The following BRWD1 variants were observed in gnomAD, a reference collection of about 807,000 sequenced individuals.
The protein encoded by BRWD1 is bromodomain and WD repeat-containing protein 1.
In BRWD1, 82 loss-of-function variants were observed where a neutral mutation model predicts 251.2. That is an observed-to-expected ratio of 0.33 (90% CI 0.27 to 0.39). The LOEUF is 0.39. Among genes scored for constraint, BRWD1 ranks in the 10% least tolerant of loss-of-function variants. The pLI is 1.00. For missense variants in BRWD1, 2,233 were observed against 2,711.6 expected (o/e 0.82, Z 3.92); for synonymous variants, 918 against 902.8 (o/e 1.02, Z -0.30).
chr21:39,253,256 C>G (rs1053871145), intron 19 of BRWD1, among the ~76,000 whole-genome samples: 8 of 138,622 alleles, frequency 5.8e-5, no homozygotes, highest in African/African-American at 1.9e-4. Context: ...CCACTGCACT[C>G]CAGCCTGGGT....
At chr21:39,313,930 A>G, upstream of BRWD1, 1 of 335,058 alleles carries the variant, frequency 3.0e-6, no homozygotes, top group Non-Finnish European at 5.8e-6. Flanking sequence ...CGGGTGGCCC[A>G]GCAGCGGGCG....
intron 23 of BRWD1, 99 bp from the exon 24 acceptor site, chr21:39,232,597 A>G (rs2033659018): frequency 2.2e-6 from 3 of 1,385,888 alleles, no homozygotes; most frequent in Non-Finnish European, 2.9e-6. Context: ...CAGAATGACT[A>G]TTTTTGCCAT....
chr21:39,317,688 C>T (rs2036712152), upstream of BRWD1, among the ~76,000 whole-genome samples: 1 of 152,226 alleles, frequency 6.6e-6, no homozygotes, highest in Non-Finnish European at 1.5e-5. Context: ...TGGAAGCCCA[C>T]GTGATAAGTA....
rs1405600806 is a variant in BRWD1 at position 39,200,337 on chromosome 21, G to A, written c.4635C>T (p.Ser1545=). 4.3e-6 allele frequency: 7 copies of A among 1,613,732 alleles called. No individual in the cohort carries two copies. The highest frequency in any genetic ancestry group is 5.9e-6 in the Non-Finnish European group (7 of 1,179,922). Residue 1545 remains serine (S), a synonymous_variant, in exon 39 of 41, where the codon TCC becomes TCT. Transcript: ENST00000342449. ...SLATSLSSSA[S]SSSEESKESS... Reference sequence around the variant, plus strand: ...TCTCTTTGCTTTCCTCAGAACTACTGGAAGCTGACGATGACAAAGAGGTAG... The same window carrying A: ...TCTCTTTGCTTTCCTCAGAACTACTAGAAGCTGACGATGACAAAGAGGTAG...
rs370555408 is a variant in BRWD1 at position 39,187,087 on chromosome 21, T to C, written c.*9172A>G. ...TAAAAAAAGCATTTTTCTATTAATA[T>C]CTTCTAGCTCTTTTTCACTTTCAGA... On this transcript the variant is annotated 3_prime_UTR_variant, in exon 41 of 41. Transcript: ENST00000342449. 13 of 1,596,366 alleles carry C rather than the reference T, an allele frequency of 8.1e-6. No individual in the cohort carries two copies. Among genetic ancestry groups the C allele is most frequent in the African/African-American group, 4.1e-5 (3 of 73,454 alleles).
At chr21:39,305,173 G>A (rs2036247171) in intron 4 of BRWD1, among the ~76,000 whole-genome samples, 1 of 151,946 alleles carries the variant, frequency 6.6e-6, no homozygotes, top group African/African-American at 2.4e-5. Flanking sequence ...TGATCAGGCT[G>A]GTCTTGAACT....
At chr21:39,264,214 G>A (rs1391407259) in intron 17 of BRWD1, among the ~76,000 whole-genome samples, 2 of 152,070 alleles carry the variant, frequency 1.3e-5, no homozygotes, top group Non-Finnish European at 2.9e-5. Flanking sequence ...TTATCTGAGT[G>A]TAAAACGTCC....
intron 4 of BRWD1, among the ~76,000 whole-genome samples, chr21:39,301,374 A>G (rs970592355): frequency 2.6e-5 from 4 of 152,124 alleles, no homozygotes; most frequent in African/African-American, 9.7e-5. Flanking sequence ...CTAAGACTCT[A>G]CTGCCTCGTC....
In BRWD1 at chr21:39,187,635, G is replaced by A. The variant is rs77444825; in HGVS notation, c.*8624C>T. ...TATAAGGATGTCACTTAAAACAGTA[G>A]CAGACTTGTAAGAATGGGGTGAAAA... On this transcript the variant is annotated 3_prime_UTR_variant, in exon 41 of 41. Coordinates refer to ENST00000342449, the MANE Select transcript of BRWD1 (RefSeq NM_033656.4). 3.5e-3 allele frequency: 3,408 copies of A among 985,254 alleles called. 84 individuals are homozygous for A. In the African/African-American group the frequency reaches 0.054, roughly 15 times the overall value. 61.0% of individuals were successfully genotyped at this position (985,254 alleles called of 1,614,324 possible). A position where few individuals can be genotyped will look rare whatever the true frequency, so the allele number is the denominator to read the frequency against.
chr21:39,186,813 TAC>T lies in BRWD1; in HGVS notation c.*9444_*9445del, dbSNP rs2031260803. 2.8e-6 allele frequency: 2 copies of T among 706,120 alleles called. No individual in the cohort carries two copies. The highest frequency in any genetic ancestry group is 4.1e-6 in the Non-Finnish European group (2 of 488,380). 43.7% of individuals were successfully genotyped at this position (706,120 alleles called of 1,614,324 possible). On this transcript the variant is annotated 3_prime_UTR_variant, in exon 41 of 41. Transcript: ENST00000342449. ...TGTCTTTTCTTTCCACCTCTCCACCTACAGACTCTGCAATTTATTTCCTCCTC... is the reference window on the plus strand; with the variant it reads ...TGTCTTTTCTTTCCACCTCTCCACCTAGACTCTGCAATTTATTTCCTCCTC...
chr21:39,221,612 T>A (rs901809921), intron 29 of BRWD1, among the ~76,000 whole-genome samples: 2 of 152,112 alleles, frequency 1.3e-5, no homozygotes, highest in African/African-American at 4.8e-5. Context: ...CCCAAACTAA[T>A]GGATAACAGT....
At chr21:39,247,032 C>T (rs1652575899) in intron 21 of BRWD1, among the ~76,000 whole-genome samples, 2 of 151,734 alleles carry the variant, frequency 1.3e-5, no homozygotes, top group Admixed American at 1.3e-4. Flanking sequence ...GAGCCGAGAT[C>T]GCGCCACTGC....
chr21:39,265,443 A>G (rs1401917789), intron 15 of BRWD1, among the ~76,000 whole-genome samples: 2 of 152,066 alleles, frequency 1.3e-5, no homozygotes, highest in Non-Finnish European at 2.9e-5. Flanking sequence ...AAATAAAAAT[A>G]AAAACAAATG....
In BRWD1 at chr21:39,247,768, T is replaced by C. The variant is rs776998875; in HGVS notation, c.2414A>G (p.Tyr805Cys). 3 of 1,613,726 alleles carry C rather than the reference T, an allele frequency of 1.9e-6. No individual in the cohort carries two copies. The highest frequency in any genetic ancestry group is 2.2e-5 in the South Asian group (2 of 90,990). ...QRTCRRKYPNYGRRNRSWREL... is the reference protein window; with the variant it reads ...QRTCRRKYPNCGRRNRSWREL... ...ACGCCAGCTACGATTTCTTCTACCA[T>C]AATTTGGATATTTACGCCTACATGT... Residue 805 changes from tyrosine (Y) to cysteine (C), a missense_variant, in exon 21 of 41, where the codon TAT (tyrosine) becomes TGT (cysteine). Physicochemically the swap from Tyr to Cys is radical, Grantham distance 194. Transcript: ENST00000342449.
chr21:39,196,844 C>G lies in BRWD1; in HGVS notation c.6225G>C (p.Leu2075Phe), dbSNP rs201811432. The G allele has an allele frequency of 1.2e-6, 2 of 1,613,490 alleles. No individual in the cohort carries two copies. The highest frequency in any genetic ancestry group is 3.3e-5 in the Admixed American group (2 of 59,984). Residue 2075 changes from leucine (L) to phenylalanine (F), a missense_variant, in exon 41 of 41, where the codon TTG (leucine) becomes TTC (phenylalanine). Transcript: ENST00000342449. ...TATTCTCTGCAGTAGCTTTTTGTGC[C>G]AAGGTTGACTCTGAAGAAAATGTCC... ...TDRTFSSEST[L>F]AQKATAENNF...
intron 8 of BRWD1, among the ~76,000 whole-genome samples, chr21:39,290,521 C>T (rs1317257218): frequency 6.6e-6 from 1 of 151,488 alleles, no homozygotes; most frequent in Admixed American, 6.6e-5. Context: ...TACTACTACC[C>T]AATTAGATTG....
chr21:39,292,981 A>C (rs910567991), intron 8 of BRWD1, among the ~76,000 whole-genome samples: 2 of 152,162 alleles, frequency 1.3e-5, no homozygotes, highest in Non-Finnish European at 2.9e-5. Flanking sequence ...TATGAAAAAA[A>C]GTGGGGAGGG....
chr21:39,214,624 C>T (rs2032804720), intron 32 of BRWD1, among the ~76,000 whole-genome samples: 1 of 151,410 alleles, frequency 6.6e-6, no homozygotes, highest in Non-Finnish European at 1.5e-5. Context: ...TAGCATGGTA[C>T]CAAGATTTTT....
At chr21:39,222,902 A>T (rs970673652) in intron 29 of BRWD1, among the ~76,000 whole-genome samples, 2 of 152,200 alleles carry the variant, frequency 1.3e-5, no homozygotes, top group Admixed American at 1.3e-4. Flanking sequence ...AAATCCTAAA[A>T]TAATTGCACT....
Sources: gnomAD v4.1 joint callset for allele counts (sites outside exome capture counted in the v4.1 genomes callset) on GRCh38, gnomAD v4.1.1 for gene constraint, MANE v1.5 for transcripts, NCBI Gene and HGNC (gene_info 2026-07-23, HGNC 2026-07-21) for gene names.